GRID1: variants seen among roughly 807,000 people sequenced by gnomAD.
GRID1 encodes glutamate ionotropic receptor delta type subunit 1, also known as glutamate receptor ionotropic, delta-1.
In GRID1, 28 loss-of-function variants were observed where a neutral mutation model predicts 98.0. That is an observed-to-expected ratio of 0.29 (90% CI 0.21 to 0.39). The LOEUF (loss-of-function observed/expected upper bound fraction) is 0.39, where lower values mean the gene tolerates loss of function less well. GRID1 is among the 10% of genes least tolerant of loss of function. The probability of loss-of-function intolerance (pLI) is 1.00; values close to 1 mark genes in which losing one functional copy is unlikely to be tolerated. For synonymous variants in GRID1, 553 were observed against 538.5 expected (o/e 1.03, Z -0.37); for missense variants, 1,111 against 1,340.5 (o/e 0.83, Z 2.67).
intron 12 of GRID1, among the ~76,000 whole-genome samples, chr10:85,674,969 T>G (rs1841127965): frequency 6.6e-6 from 1 of 152,228 alleles, no homozygotes; most frequent in African/African-American, 2.4e-5. Flanking sequence ...GGAAATTATT[T>G]TTTAGGGCTC....
At chr10:86,106,981 G>A (rs963363707) in intron 4 of GRID1, among the ~76,000 whole-genome samples, 1 of 152,158 alleles carries the variant, frequency 6.6e-6, no homozygotes, top group Admixed American at 6.5e-5. Context: ...GCCTAGATGG[G>A]TCTTTGTGGT....
intron 4 of GRID1, among the ~76,000 whole-genome samples, chr10:85,966,188 T>C (rs1842334202): frequency 1.3e-5 from 2 of 152,168 alleles, no homozygotes. Flanking sequence ...TAAAAACAAT[T>C]AGAAGCAATT....
At chr10:85,906,025 A>G (rs907310159) in intron 5 of GRID1, among the ~76,000 whole-genome samples, 8 of 152,140 alleles carry the variant, frequency 5.3e-5, no homozygotes, top group Non-Finnish European at 7.4e-5. Flanking sequence ...TTTAAACATA[A>G]AGAAACAAGT....
At chr10:86,227,289 G>C (rs915255316) in intron 2 of GRID1, among the ~76,000 whole-genome samples, 5 of 152,220 alleles carry the variant, frequency 3.3e-5, no homozygotes, top group African/African-American at 1.2e-4. Flanking sequence ...TGTATGGTGG[G>C]TCATAGGCAC....
At chr10:85,859,104 T>C (rs529098708) in intron 6 of GRID1, among the ~76,000 whole-genome samples, 12 of 152,288 alleles carry the variant, frequency 7.9e-5, no homozygotes, top group African/African-American at 2.9e-4. Context: ...TGCCCACATA[T>C]CACCCTAGAT....
At chr10:85,788,732 C>A (rs1428149666) in intron 8 of GRID1, among the ~76,000 whole-genome samples, 1 of 152,226 alleles carries the variant, frequency 6.6e-6, no homozygotes, top group Non-Finnish European at 1.5e-5. Context: ...TGGAGGTGCA[C>A]AGGCACATAT....
At chr10:86,275,128 T>C (rs1277936946) in intron 2 of GRID1, among the ~76,000 whole-genome samples, 1 of 152,238 alleles carries the variant, frequency 6.6e-6, no homozygotes, top group African/African-American at 2.4e-5. Context: ...GTTTTGTTTT[T>C]AGCTCATGGC....
chr10:86,209,350 G>A (rs1304418670), intron 2 of GRID1, among the ~76,000 whole-genome samples: 3 of 152,324 alleles, frequency 2.0e-5, no homozygotes, highest in East Asian at 3.9e-4. Flanking sequence ...TTCTCTTGGC[G>A]TCCTTTGTAC....
chr10:86,208,828 G>A (rs1246760779), intron 2 of GRID1, among the ~76,000 whole-genome samples: 1 of 152,136 alleles, frequency 6.6e-6, no homozygotes, highest in East Asian at 1.9e-4. Flanking sequence ...AATTTCCATG[G>A]CCCCAGTCAA....
chr10:85,923,650 G>T (rs1841736356), intron 4 of GRID1, among the ~76,000 whole-genome samples: 1 of 152,180 alleles, frequency 6.6e-6, no homozygotes, highest in Non-Finnish European at 1.5e-5. Flanking sequence ...TCAGAAGGAT[G>T]AAGTGATTTT....
chr10:86,169,995 C>T (rs983458262), intron 3 of GRID1, among the ~76,000 whole-genome samples: 3 of 152,212 alleles, frequency 2.0e-5, no homozygotes, highest in Non-Finnish European at 2.9e-5. Context: ...GGCACCTGGC[C>T]CTGGGGTTCT....
At chr10:86,103,083 T>C (rs1230989968) in intron 4 of GRID1, among the ~76,000 whole-genome samples, 1 of 152,186 alleles carries the variant, frequency 6.6e-6, no homozygotes, top group Non-Finnish European at 1.5e-5. Flanking sequence ...CCTCTTTTTC[T>C]TTATAAATTA....
chr10:85,925,448 T>C (rs887715614), intron 4 of GRID1, among the ~76,000 whole-genome samples: 1 of 152,208 alleles, frequency 6.6e-6, no homozygotes, highest in African/African-American at 2.4e-5. Flanking sequence ...CAGTGTGCAC[T>C]GTGAACAATC....
At chr10:85,932,429 T>C (rs1841868296) in intron 4 of GRID1, among the ~76,000 whole-genome samples, 1 of 152,190 alleles carries the variant, frequency 6.6e-6, no homozygotes, top group African/African-American at 2.4e-5. Context: ...TTACCCTGGC[T>C]GGTCTCGAAC....
At chr10:86,167,056 G>A (rs1845409083) in intron 3 of GRID1, among the ~76,000 whole-genome samples, 1 of 152,234 alleles carries the variant, frequency 6.6e-6, no homozygotes. Context: ...CAGCCAACAA[G>A]GGTAGAAGGG....
intron 4 of GRID1, among the ~76,000 whole-genome samples, chr10:86,097,489 A>G (rs760998382): frequency 6.6e-6 from 1 of 152,124 alleles, no homozygotes; most frequent in African/African-American, 2.4e-5. Context: ...CTATCTATCC[A>G]TCTGTCTATC....
chr10:86,228,879 T>C (rs1191127618), intron 2 of GRID1, among the ~76,000 whole-genome samples: 1 of 152,168 alleles, frequency 6.6e-6, no homozygotes, highest in Non-Finnish European at 1.5e-5. Context: ...CCTAAGGGCA[T>C]CTTGCATTGG....
At chr10:86,093,377 T>C (rs529604504) in intron 4 of GRID1, among the ~76,000 whole-genome samples, 120 of 136,756 alleles carry the variant, frequency 8.8e-4, no homozygotes, top group African/African-American at 2.9e-3. Context: ...AGAGCAGAAC[T>C]AAATGAAACT....
At chr10:85,662,545 C>T (rs1245932297) in intron 12 of GRID1, among the ~76,000 whole-genome samples, 1 of 152,220 alleles carries the variant, frequency 6.6e-6, no homozygotes, top group Non-Finnish European at 1.5e-5. Flanking sequence ...CTCCGTAATA[C>T]TCCTCCCCAC....
Sources: gnomAD v4.1 joint callset for allele counts (sites outside exome capture counted in the v4.1 genomes callset) on GRCh38, gnomAD v4.1.1 for gene constraint, MANE v1.5 for transcripts, NCBI Gene and HGNC (gene_info 2026-07-23, HGNC 2026-07-21) for gene names.